The following PFKL variants were observed in gnomAD, a reference collection of about 807,000 sequenced individuals.
PFKL encodes the protein ATP-dependent 6-phosphofructokinase, liver type.
PFKL carries 74 observed loss-of-function variants against 92.1 expected under a neutral mutation model. That is an observed-to-expected ratio of 0.80 (90% CI 0.67 to 0.97). The LOEUF is 0.97. PFKL is among the 50% of genes least tolerant of loss of function. The pLI is 0.00. For missense variants in PFKL, 1,028 were observed against 1,116.6 expected (o/e 0.92, Z 1.13); for synonymous variants, 494 against 456.4 (o/e 1.08, Z -1.05).
At chr21:44,306,562 G>C (rs1300590312) in intron 1 of PFKL, 119 bp from the exon 2 acceptor site, 1,673 of 569,908 alleles carry the variant, frequency 2.9e-3, no homozygotes, top group Middle Eastern at 4.3e-3. Context: ...CCCACCACCC[G>C]CCCTCTGAGA....
intron 19 of PFKL, 21 bp from the exon 20 acceptor site, chr21:44,325,940 C>A: frequency 1.3e-6 from 2 of 1,598,288 alleles, no homozygotes; most frequent in African/African-American, 1.3e-5. Context: ...GTCCAGGGAA[C>A]CGGGCCTCAC....
intron 2 of PFKL, among the ~76,000 whole-genome samples, chr21:44,308,828 C>T (rs1368600982): frequency 6.6e-6 from 1 of 152,116 alleles, no homozygotes; most frequent in Non-Finnish European, 1.5e-5. Flanking sequence ...TCCCAAAGTG[C>T]TGGGATTACA....
chr21:44,316,407 G>A, intron 8 of PFKL, 25 bp from the exon 9 acceptor site: 1 of 1,612,362 alleles, frequency 6.2e-7, no homozygotes, highest in East Asian at 2.2e-5. Context: ...GGGGCTCAGG[G>A]CTGGTCCTTC....
Position 44,322,120 on chromosome 21 carries a change from C to CT in PFKL, c.1339-12dup, listed in dbSNP as rs780140422. The CT allele has an allele frequency of 1.0e-5, 16 of 1,601,004 alleles. No homozygotes were observed. In the African/African-American group the frequency reaches 1.9e-4, roughly 19 times the overall value. ...CTCAGGCTGGCCCCTGAAGCTGCAT[C>CT]TCCTCCTGGCAGGTGCAAGAAGTAG... On this transcript the variant is annotated splice_polypyrimidine_tract_variant and intron_variant, in intron 13 of 21. Coordinates refer to ENST00000349048, the MANE Select transcript of PFKL (RefSeq NM_002626.6).
In PFKL at chr21:44,321,795, TC is replaced by T. The variant is rs1251525443; in HGVS notation, c.1259del (p.Ser420TrpfsTer23). 8 of 1,602,482 alleles carry T rather than the reference TC, an allele frequency of 5.0e-6. No individual in the cohort carries two copies. The highest frequency in any genetic ancestry group is 1.3e-5 in the African/African-American group (1 of 74,476). On this transcript the variant is annotated frameshift_variant, in exon 13 of 22. Coordinates refer to ENST00000349048, the MANE Select transcript of PFKL (RefSeq NM_002626.6). LOFTEE classifies it high-confidence loss of function. ...GGCTGGCATGAATGCGGCCGTGCGC[TC>T]GGCGGTGCGGACCGGCATCTCCCAT... The part of the protein sequence containing the change: ...PAAGMNAAVR[S>X]AVRTGISHGH...
intron 1 of PFKL, chr21:44,305,900 A>G (rs1162363647): frequency 2.9e-6 from 4 of 1,364,488 alleles, no homozygotes; most frequent in Non-Finnish European, 3.9e-6. Context: ...GTGACCTCAG[A>G]GCCTGGTGGC....
At chr21:44,302,443 A>G (rs965740117) in intron 1 of PFKL, among the ~76,000 whole-genome samples, 3 of 152,116 alleles carry the variant, frequency 2.0e-5, no homozygotes, top group Non-Finnish European at 4.4e-5. Flanking sequence ...GAGTTCGGAA[A>G]AGCAGTCTGC....
In PFKL at chr21:44,316,241, C is replaced by T. The variant is rs138551656; in HGVS notation, c.748-3C>T. The T allele has an allele frequency of 2.3e-4, 372 of 1,612,850 alleles. No homozygotes were observed. The East Asian group carries it at 7.9e-3, about 34-fold the overall frequency. On this transcript the variant is annotated splice_region_variant and splice_polypyrimidine_tract_variant and intron_variant, in intron 7 of 21. Coordinates refer to ENST00000349048, the MANE Select transcript of PFKL (RefSeq NM_002626.6). ...GCTGAGCCCTGTCGTGTCTTTGACC[C>T]AGACTCGGAGCCGTGGGTCCCGACT...
intron 7 of PFKL, 169 bp from the exon 8 acceptor site, chr21:44,316,075 T>C (rs1261611375): frequency 7.8e-6 from 5 of 644,906 alleles, no homozygotes; most frequent in Admixed American, 2.3e-5. Flanking sequence ...CCCAGCCTCA[T>C]CTCTGCCCTC....
chr21:44,303,893 G>A (rs1397296403), intron 1 of PFKL, among the ~76,000 whole-genome samples: 1 of 152,088 alleles, frequency 6.6e-6, no homozygotes. Flanking sequence ...CTCTGACTGC[G>A]GTGTCGGCGA....
At chr21:44,308,719 G>A (rs144408211) in intron 2 of PFKL, among the ~76,000 whole-genome samples, 120 of 152,036 alleles carry the variant, frequency 7.9e-4, no homozygotes, top group African/African-American at 1.5e-3. Flanking sequence ...CCACCACCAC[G>A]CCCAGCTGTT....
chr21:44,300,833 G>T (rs1388183432), intron 1 of PFKL, among the ~76,000 whole-genome samples: 3 of 152,206 alleles, frequency 2.0e-5, no homozygotes, highest in Non-Finnish European at 4.4e-5. Context: ...GTGGGGGTCC[G>T]GCCTGAGGGC....
chr21:44,325,782 C>G, intron 19 of PFKL, 179 bp from the exon 20 acceptor site: 1 of 594,336 alleles, frequency 1.7e-6, no homozygotes, highest in Non-Finnish European at 3.0e-6. Flanking sequence ...GGACTTGGAG[C>G]TGGAGAGAGC....
chr21:44,300,133 C>A lies in PFKL; in HGVS notation c.28C>A (p.Arg10=). 8.4e-7 allele frequency: 1 copy of A among 1,187,954 alleles called. No individual in the cohort carries two copies. The highest frequency in any genetic ancestry group is 1.1e-6 in the Non-Finnish European group (1 of 943,440). The allele number at this position is 1,187,954 out of a possible 1,614,324, so 73.6% of individuals were successfully genotyped here. The change falls in exon 1 of 22, where the codon CGG becomes AGG. Residue 10 remains arginine, a synonymous_variant. Coordinates refer to ENST00000349048, the MANE Select transcript of PFKL (RefSeq NM_002626.6). MAAVDLEKL[R]ASGAGKAIGV... is the part of the protein sequence containing the mutation. ...GGCCGCGGTGGACCTGGAGAAGCTGCGGGCGTCGGGCGCGGGCAAGGCCAT... is the reference window on the plus strand; with the variant it reads ...GGCCGCGGTGGACCTGGAGAAGCTGAGGGCGTCGGGCGCGGGCAAGGCCAT...
At chr21:44,300,631 G>T (rs2040745335) in intron 1 of PFKL, among the ~76,000 whole-genome samples, 1 of 152,256 alleles carries the variant, frequency 6.6e-6, no homozygotes, top group Non-Finnish European at 1.5e-5. Flanking sequence ...CGGCTGGGCG[G>T]GGGCGGACTC....
chr21:44,304,065 C>T (rs567724185), intron 1 of PFKL, among the ~76,000 whole-genome samples: 3 of 100,740 alleles, frequency 3.0e-5, no homozygotes, highest in South Asian at 2.8e-4. Flanking sequence ...TTTCCAGTCC[C>T]GTTCTAAAAT....
intron 17 of PFKL, 54 bp from the exon 18 acceptor site, chr21:44,324,802 C>T (rs974008394): frequency 6.3e-7 from 1 of 1,591,022 alleles, no homozygotes; most frequent in South Asian, 1.1e-5. Flanking sequence ...GCCGGTCAGC[C>T]TGGAATTCCC....
At position 44,316,262 on chromosome 21, in the gene PFKL, C is replaced by T. The variant is rs764649819; in HGVS notation, c.766C>T (p.Arg256Ter). 1.1e-5 allele frequency: 17 copies of T among 1,612,992 alleles called. No individual in the cohort carries two copies. The highest frequency in any genetic ancestry group is 3.3e-5 in the Admixed American group (2 of 60,000). The change falls in exon 8 of 22, where the codon CGA becomes TGA. Residue 256 changes from arginine to a stop codon, truncating the protein, a stop_gained. Coordinates refer to ENST00000349048, the MANE Select transcript of PFKL (RefSeq NM_002626.6). LOFTEE classifies it high-confidence loss of function. ...GACCCAGACTCGGAGCCGTGGGTCC[C>T]GACTGAACATCATCATCATCGCTGA... The part of the protein sequence containing the change: ...RLGETRSRGS[R>*]LNIIIIAEGA...
chr21:44,313,691 G>T lies in PFKL; in HGVS notation c.638+9G>T. 1 of 1,610,322 alleles carries T rather than the reference G, an allele frequency of 6.2e-7. No individual in the cohort carries two copies. The highest frequency in any genetic ancestry group is 8.5e-7 in the Non-Finnish European group (1 of 1,178,840). On this transcript the variant is annotated intron_variant, in intron 6 of 21. Coordinates refer to ENST00000349048, the MANE Select transcript of PFKL (RefSeq NM_002626.6). ...ATGGGCCGGCACTGCGGGTGAGGAG[G>T]GGCTTCCTGGCCCGCTGGGTGGCCC...
Sources: allele counts gnomAD v4.1 joint callset (sites outside exome capture counted in the v4.1 genomes callset), GRCh38; gene constraint gnomAD v4.1.1; transcripts MANE v1.5; gene names NCBI Gene and HGNC (gene_info 2026-07-23, HGNC 2026-07-21).